DYM: variants seen among roughly 807,000 people sequenced by gnomAD.
The protein encoded by DYM is dymeclin, also known as dyggve-Melchior-Clausen syndrome protein.
DYM carries 78 observed loss-of-function variants against 93.1 expected under a neutral mutation model. That is an observed-to-expected ratio of 0.84 (90% CI 0.70 to 1.01). The LOEUF is 1.01. DYM is among the 50% of genes least tolerant of loss of function. The pLI, the probability that DYM is intolerant of heterozygous loss-of-function variation, is 0.00. For synonymous variants in DYM, 321 were observed against 319.7 expected, an observed-to-expected ratio of 1.00 and a Z score of -0.04; for missense variants, 789 against 845.0, an observed-to-expected ratio of 0.93 and a Z score of 0.82.
intron 17 of DYM, among the ~76,000 whole-genome samples, chr18:49,066,563 G>A (rs145330340): frequency 6.2e-4 from 95 of 152,288 alleles, no homozygotes; most frequent in African/African-American, 2.2e-3. Context: ...GAACAATTGT[G>A]CTATGAACAT....
chr18:49,154,311 A>G (rs1260114866), intron 15 of DYM, among the ~76,000 whole-genome samples: 1 of 152,196 alleles, frequency 6.6e-6, no homozygotes, highest in Non-Finnish European at 1.5e-5. Context: ...ATGTACCAGT[A>G]TTAATTCCTT....
rs376745865 is a variant in DYM at position 49,272,942 on chromosome 18, G to A, written c.1126-639C>T. 1.3e-4 allele frequency among the ~76,000 whole-genome samples: 20 copies of A among 151,972 alleles called. No individual in the cohort carries two copies. The East Asian group carries it at 2.9e-3, about 22-fold the overall frequency. ...TTACTGAAATTATTTATTAAAGATGGGCAGACTATCTACATAGCATGTCTT... is the reference window on the plus strand; with the variant it reads ...TTACTGAAATTATTTATTAAAGATGAGCAGACTATCTACATAGCATGTCTT... On this transcript the variant is annotated intron_variant, in intron 10 of 17. Coordinates refer to ENST00000675505, the MANE Select transcript of DYM (RefSeq NM_001353214.3).
At chr18:49,257,163 G>A (rs2094407119) in intron 12 of DYM, 59 bp from the exon 13 acceptor site, 24 of 1,326,696 alleles carry the variant, frequency 1.8e-5, no homozygotes, top group Non-Finnish European at 2.6e-5. Flanking sequence ...TTTTAACCAA[G>A]GTTAACTATT....
At chr18:49,132,382 G>A (rs932164083) in intron 15 of DYM, among the ~76,000 whole-genome samples, 1 of 151,830 alleles carries the variant, frequency 6.6e-6, no homozygotes, top group African/African-American at 2.4e-5. Context: ...AAATTGTGTA[G>A]GAAACTATAA....
intron 10 of DYM, among the ~76,000 whole-genome samples, chr18:49,280,320 T>A (rs1311767489): frequency 6.6e-6 from 1 of 152,160 alleles, no homozygotes; most frequent in Non-Finnish European, 1.5e-5. Context: ...TACCTTAAAA[T>A]GACTATGAGA....
intron 6 of DYM, among the ~76,000 whole-genome samples, chr18:49,342,239 T>A (rs1381829495): frequency 6.6e-6 from 1 of 152,178 alleles, no homozygotes; most frequent in African/African-American, 2.4e-5. Flanking sequence ...TCTTGTTCCA[T>A]CTTCGAAGGA....
At chr18:49,056,636 C>T (rs867559109) in intron 17 of DYM, among the ~76,000 whole-genome samples, 1 of 152,028 alleles carries the variant, frequency 6.6e-6, no homozygotes, top group African/African-American at 2.4e-5. Context: ...CTCCCAGGCT[C>T]AAGCGATCCT....
At chr18:49,267,498 CAAT>C (rs2094590030) in intron 11 of DYM, among the ~76,000 whole-genome samples, 1 of 152,054 alleles carries the variant, frequency 6.6e-6, no homozygotes, top group South Asian at 2.1e-4. Context: ...TCTTACATCT[CAAT>C]AATAAGATAA....
At chr18:49,280,100 T>C (rs571578546) in intron 10 of DYM, among the ~76,000 whole-genome samples, 136 of 152,342 alleles carry the variant, frequency 8.9e-4, no homozygotes, top group African/African-American at 2.9e-3. Context: ...TAAGGGTCCA[T>C]AGTTATCTAC....
At chr18:49,143,158 G>C (rs2144504017) in intron 15 of DYM, among the ~76,000 whole-genome samples, 1 of 152,260 alleles carries the variant, frequency 6.6e-6, no homozygotes, top group East Asian at 1.9e-4. Flanking sequence ...ATTCTGGAAA[G>C]TAGATACTAG....
chr18:49,048,814 A>G (rs2071992290), intron 17 of DYM, among the ~76,000 whole-genome samples: 1 of 152,216 alleles, frequency 6.6e-6, no homozygotes, highest in African/African-American at 2.4e-5. Flanking sequence ...CACCCCCATG[A>G]CTATCCTTCC....
At chr18:49,353,282 G>C (rs922979485) in intron 6 of DYM, among the ~76,000 whole-genome samples, 1 of 151,946 alleles carries the variant, frequency 6.6e-6, no homozygotes, top group Non-Finnish European at 1.5e-5. Context: ...TTTAAGAGAC[G>C]GAGAGTTCTG....
intron 15 of DYM, among the ~76,000 whole-genome samples, chr18:49,161,292 T>C (rs939730225): frequency 6.6e-6 from 1 of 152,200 alleles, no homozygotes; most frequent in African/African-American, 2.4e-5. Flanking sequence ...TATCATGGCA[T>C]AATTACCTCC....
chr18:49,092,005 A>G (rs527314802), intron 17 of DYM, among the ~76,000 whole-genome samples: 86 of 152,338 alleles, frequency 5.6e-4, no homozygotes, highest in Admixed American at 9.2e-4. Flanking sequence ...TTAAAAAAAG[A>G]AAACAGAATA....
intron 14 of DYM, among the ~76,000 whole-genome samples, chr18:49,191,333 C>T (rs1014556411): frequency 1.4e-4 from 12 of 87,400 alleles, no homozygotes; most frequent in African/African-American, 4.0e-4. Context: ...TAAGTAAAAC[C>T]TAAAACTTAA....
chr18:49,118,952 C>G lies in DYM; in HGVS notation c.1729-26G>C, dbSNP rs372192358. 8 of 1,601,614 alleles carry G rather than the reference C, an allele frequency of 5.0e-6. No homozygotes were observed. The African/African-American group carries it at 5.4e-5, about 11-fold the overall frequency. ...CTTATAGAGAAAAGAAACCCCAACA[C>G]AGAGTCAGTCTTTTCCTCCTTGCAA... On this transcript the variant is annotated intron_variant, in intron 15 of 17. Coordinates refer to ENST00000675505, the MANE Select transcript of DYM (RefSeq NM_001353214.3).
intron 8 of DYM, among the ~76,000 whole-genome samples, chr18:49,303,943 T>C (rs2061115288): frequency 3.3e-5 from 5 of 152,170 alleles, no homozygotes; most frequent in Admixed American, 2.6e-4. Context: ...GCAGTGCTTG[T>C]TTGTGCTGCA....
At chr18:49,419,215 C>T (rs1341846369) in intron 2 of DYM, among the ~76,000 whole-genome samples, 1 of 152,002 alleles carries the variant, frequency 6.6e-6, no homozygotes, top group African/African-American at 2.4e-5. Context: ...CAAAAATTAG[C>T]CAGGCGTGAT....
At chr18:49,411,125 AC>A (rs1299734595) in intron 2 of DYM, among the ~76,000 whole-genome samples, 1 of 152,178 alleles carries the variant, frequency 6.6e-6, no homozygotes, top group East Asian at 1.9e-4. Flanking sequence ...GTCCAATGTC[AC>A]GGTATAAGAA....
Sources: allele counts gnomAD v4.1 joint callset (sites outside exome capture counted in the v4.1 genomes callset), GRCh38; gene constraint gnomAD v4.1.1; transcripts MANE v1.5; gene names NCBI Gene and HGNC (gene_info 2026-07-23, HGNC 2026-07-21).